The following GALNT13 variants were observed in gnomAD, a reference collection of about 807,000 sequenced individuals.
GALNT13 encodes polypeptide N-acetylgalactosaminyltransferase 13.
In GALNT13, 28 loss-of-function variants were observed where a neutral mutation model predicts 64.2. The ratio of observed to expected loss-of-function variants is 0.44; its 90% CI spans 0.32 to 0.60. GALNT13 has a LOEUF of 0.60. Ranked by LOEUF, GALNT13 falls within the 20% of genes least tolerant of loss-of-function variation. The probability of loss-of-function intolerance (pLI) is 0.05; values close to 1 mark genes in which losing one functional copy is unlikely to be tolerated. For synonymous variants in GALNT13, 214 were observed against 224.6 expected, an observed-to-expected ratio of 0.95 and a Z score of 0.42; for missense variants, 577 against 669.8, an observed-to-expected ratio of 0.86 and a Z score of 1.53.
chr2:153,573,876 C>T, the GALNT13 span, among the ~76,000 whole-genome samples: 1 of 152,054 alleles, frequency 6.6e-6, no homozygotes, highest in Non-Finnish European at 1.5e-5. Flanking sequence ...GTAGTTTACA[C>T]ACCAGTTACA....
the GALNT13 span, among the ~76,000 whole-genome samples, chr2:153,191,443 T>C: frequency 2.0e-5 from 3 of 152,276 alleles, no homozygotes; most frequent in African/African-American, 7.2e-5. Context: ...TATTATGTCT[T>C]TGATGTACTG....
chr2:154,134,383 G>A (rs2105558834), intron 3 of GALNT13, among the ~76,000 whole-genome samples: 1 of 152,244 alleles, frequency 6.6e-6, no homozygotes, highest in East Asian at 1.9e-4. Flanking sequence ...TATACAGAAA[G>A]TCAAAGAGAT....
the GALNT13 span, among the ~76,000 whole-genome samples, chr2:153,146,313 A>G: frequency 2.0e-5 from 3 of 151,834 alleles, no homozygotes; most frequent in Admixed American, 1.3e-4. Flanking sequence ...GACATAATTC[A>G]GTCAATTCCT....
chr2:153,648,567 G>C, the GALNT13 span, among the ~76,000 whole-genome samples: 1 of 152,084 alleles, frequency 6.6e-6, no homozygotes, highest in Non-Finnish European at 1.5e-5. Context: ...AATGCTTCCA[G>C]TTTTTGCCCA....
chr2:154,368,424 C>T (rs1250982398), intron 9 of GALNT13, among the ~76,000 whole-genome samples: 1 of 152,052 alleles, frequency 6.6e-6, no homozygotes, highest in Admixed American at 6.6e-5. Context: ...ACCATGGCTG[C>T]CACTTCTGTG....
chr2:153,727,321 G>A, the GALNT13 span, among the ~76,000 whole-genome samples: 1 of 152,104 alleles, frequency 6.6e-6, no homozygotes, highest in East Asian at 1.9e-4. Flanking sequence ...GTTTGTAGTT[G>A]TACATCATTC....
intron 3 of GALNT13, among the ~76,000 whole-genome samples, chr2:154,007,490 G>A (rs1696336829): frequency 6.6e-6 from 1 of 151,912 alleles, no homozygotes; most frequent in Non-Finnish European, 1.5e-5. Flanking sequence ...TAAACATTAT[G>A]TTTTCAAGTT....
At chr2:153,078,809 A>G in the GALNT13 span, among the ~76,000 whole-genome samples, 1 of 152,090 alleles carries the variant, frequency 6.6e-6, no homozygotes, top group Non-Finnish European at 1.5e-5. Flanking sequence ...TATTATCGTA[A>G]TGAATGGGTG....
intron 3 of GALNT13, among the ~76,000 whole-genome samples, chr2:154,091,063 G>A (rs10193409): frequency 1.6e-3 from 244 of 151,634 alleles, no homozygotes; most frequent in African/African-American, 5.6e-3. Flanking sequence ...GCATAAACAG[G>A]TTATAATATT....
chr2:153,738,532 G>A, the GALNT13 span, among the ~76,000 whole-genome samples: 1 of 151,866 alleles, frequency 6.6e-6, no homozygotes, highest in Non-Finnish European at 1.5e-5. Flanking sequence ...CTTCACAATA[G>A]ACAATGAGCT....
rs1043686046 is a variant in GALNT13 at position 154,318,479 on chromosome 2, A to G, written c.1156+16890A>G. ...AGTGGTTCACGCCTGTAATCCCAGC[A>G]CTTTGGGAGGCTGAGGCAAGTGCAT... On this transcript the variant is annotated intron_variant, in intron 9 of 12. Transcript: ENST00000392825. 2.0e-5 allele frequency among the ~76,000 whole-genome samples: 3 copies of G among 152,116 alleles called. No homozygotes were observed. The South Asian group carries it at 6.2e-4, about 31-fold the overall frequency.
chr2:153,087,184 C>G, the GALNT13 span, among the ~76,000 whole-genome samples: 1 of 152,082 alleles, frequency 6.6e-6, no homozygotes, highest in African/African-American at 2.4e-5. Flanking sequence ...AGGTTTTAAT[C>G]ATAAAGTCGT....
chr2:154,171,944 A>T (rs985484865), intron 4 of GALNT13, among the ~76,000 whole-genome samples: 8 of 149,460 alleles, frequency 5.4e-5, no homozygotes, highest in Admixed American at 4.0e-4. Flanking sequence ...TCCATGCTCA[A>T]TACAAAAATT....
At chr2:153,853,527 AAT>A in the GALNT13 span, among the ~76,000 whole-genome samples, 3 of 152,126 alleles carry the variant, frequency 2.0e-5, no homozygotes, top group East Asian at 5.8e-4. Context: ...GCTAGCTAGA[AAT>A]AGAGATGATG....
At chr2:153,442,125 A>G in the GALNT13 span, among the ~76,000 whole-genome samples, 6 of 152,174 alleles carry the variant, frequency 3.9e-5, no homozygotes, top group South Asian at 1.0e-3. Flanking sequence ...CAGTCCATCA[A>G]TACCTAGTTT....
At chr2:154,139,835 T>C (rs1356698601) in intron 3 of GALNT13, among the ~76,000 whole-genome samples, 2 of 152,152 alleles carry the variant, frequency 1.3e-5, no homozygotes, top group Non-Finnish European at 2.9e-5. Flanking sequence ...ACTTGACATT[T>C]GAAGTTATGT....
chr2:154,454,639 A>C (rs1427711960), downstream of GALNT13: 3 of 152,064 alleles, frequency 2.0e-5, no homozygotes, highest in Non-Finnish European at 2.9e-5. Flanking sequence ...CTTCAGCCTC[A>C]AGACTGTCTC....
the GALNT13 span, among the ~76,000 whole-genome samples, chr2:153,360,771 C>G: frequency 6.6e-6 from 1 of 152,260 alleles, no homozygotes; most frequent in Middle Eastern, 3.4e-3. Context: ...CGTGGACCAG[C>G]AGACTTAGTC....
intron 9 of GALNT13, among the ~76,000 whole-genome samples, chr2:154,378,989 A>T (rs939107430): frequency 1.3e-5 from 2 of 152,116 alleles, no homozygotes; most frequent in Non-Finnish European, 2.9e-5. Context: ...GCCCAGTCTC[A>T]AGGAAATTTC....
Sources: allele counts gnomAD v4.1 joint callset (sites outside exome capture counted in the v4.1 genomes callset), GRCh38; gene constraint gnomAD v4.1.1; transcripts MANE v1.5; gene names NCBI Gene and HGNC (gene_info 2026-07-23, HGNC 2026-07-21).